Variants in TGM2 observed in about 807,000 individuals in gnomAD.
The protein encoded by TGM2 is transglutaminase 2, also known as protein-glutamine gamma-glutamyltransferase 2.
A neutral mutation model predicts 75.6 loss-of-function variants in TGM2; 53 were observed. The ratio of observed to expected loss-of-function variants is 0.70; its 90% confidence interval spans 0.56 to 0.88. The LOEUF is 0.88. TGM2 is among the 40% of genes least tolerant of loss of function. The pLI, the probability that TGM2 is intolerant of heterozygous loss-of-function variation, is 0.00. For synonymous variants in TGM2, 374 were observed against 381.1 expected, an observed-to-expected ratio of 0.98 and a Z score of 0.22; for missense variants, 842 against 928.5, an observed-to-expected ratio of 0.91 and a Z score of 1.21.
At chr20:38,162,345 T>C (rs1245785775) in intron 1 of TGM2, among the ~76,000 whole-genome samples, 1 of 152,190 alleles carries the variant, frequency 6.6e-6, no homozygotes, top group African/African-American at 2.4e-5. Context: ...GGGCAGTATT[T>C]GGTACAGGTC....
intron 11 of TGM2, 120 bp from the exon 12 acceptor site, chr20:38,131,349 A>ACCCCC (rs111895659): frequency 6.1e-6 from 8 of 1,312,806 alleles, no homozygotes; most frequent in African/African-American, 4.8e-5. Flanking sequence ...TGCCACGATC[A>ACCCCC]CCCCCCCTCC....
At chr20:38,149,545 G>C (rs1243659250) in intron 4 of TGM2, among the ~76,000 whole-genome samples, 1 of 152,000 alleles carries the variant, frequency 6.6e-6, no homozygotes, top group Non-Finnish European at 1.5e-5. Flanking sequence ...CGGGTGTGGT[G>C]GTGGGCGTCT....
intron 10 of TGM2, among the ~76,000 whole-genome samples, chr20:38,134,919 T>C (rs2074879841): frequency 6.6e-6 from 1 of 152,184 alleles, no homozygotes; most frequent in African/African-American, 2.4e-5. Flanking sequence ...AGCTTGGCAT[T>C]GGAGGTTCCA....
chr20:38,157,705 T>C (rs1177732570), intron 2 of TGM2, among the ~76,000 whole-genome samples: 1 of 152,178 alleles, frequency 6.6e-6, no homozygotes, highest in Non-Finnish European at 1.5e-5. Context: ...ACCTGGTGTA[T>C]AGTAAGTGCT....
Position 38,152,725 on chromosome 20 carries a change from C to T in TGM2, c.434-1668G>A, listed in dbSNP as rs968244364. ...CCCACCCATCAGACTGATTTCCTCC[C>T]GCAGCGCCCCTGCGCTCACCCCAGC... is the stretch of plus-strand genomic sequence containing the variant. On this transcript the variant is annotated intron_variant, in intron 3 of 12. Coordinates refer to ENST00000361475, the MANE Select transcript of TGM2 (RefSeq NM_004613.4). Among the ~76,000 whole-genome samples, 6 of 152,346 alleles carry T rather than the reference C, an allele frequency of 3.9e-5. 1 individual carries two copies.
chr20:38,155,759 CCT>C (rs1314895644), intron 3 of TGM2, 86 bp downstream of exon 3: 2 of 1,504,298 alleles, frequency 1.3e-6, no homozygotes, highest in East Asian at 2.4e-5. Flanking sequence ...TCTCTTATCC[CCT>C]GTTCTTCTCA....
intron 6 of TGM2, chr20:38,146,427 A>T (rs2075044684): frequency 5.8e-6 from 3 of 512,832 alleles, no homozygotes; most frequent in Non-Finnish European, 1.1e-5. Context: ...GGGGGTTTTT[A>T]ACTCAAGTTA....
chr20:38,138,252 A>G lies in TGM2; in HGVS notation c.1476T>C (p.Phe492=), dbSNP rs1249983590. 6.2e-7 allele frequency: 1 copy of G among 1,613,790 alleles called. No homozygotes were observed. The highest frequency in any genetic ancestry group is 1.3e-5 in the African/African-American group (1 of 74,928). ...CAGCGGTGTTGTTGGTGATGTGGGC[A>G]AAGACGTCAAAGTCACTGCCCATGT... ...SMNMGSDFDV[F]AHITNNTAEE... Residue 492 remains phenylalanine, a synonymous_variant, in exon 10 of 13, where the codon TTT becomes TTC. Transcript: ENST00000361475.
intron 12 of TGM2, 43 bp from the exon 13 acceptor site, chr20:38,130,412 T>C (rs1214366293): frequency 6.4e-7 from 1 of 1,554,768 alleles, no homozygotes; most frequent in Non-Finnish European, 8.7e-7. Flanking sequence ...GCCCAAGGCC[T>C]GGCTCCCGCA....
intron 3 of TGM2, among the ~76,000 whole-genome samples, chr20:38,153,637 C>T (rs1228989449): frequency 2.0e-5 from 3 of 151,574 alleles, no homozygotes; most frequent in Non-Finnish European, 4.4e-5. Context: ...TTAATGTATA[C>T]AGTGGGATCC....
In TGM2 at chr20:38,127,481, C is replaced by A; in HGVS notation, c.*2738G>T. On this transcript the variant is annotated 3_prime_UTR_variant, in exon 13 of 13. Transcript: ENST00000361475. ...GTGGGGACTGTCCCCATCATCTATTCATTCAACAGATACTCATGAGTGCTT... is the reference window on the plus strand; with the variant it reads ...GTGGGGACTGTCCCCATCATCTATTAATTCAACAGATACTCATGAGTGCTT... The A allele has an allele frequency of 4.1e-6, 2 of 489,778 alleles. No homozygotes were observed. The highest frequency in any genetic ancestry group is 8.6e-5 in the South Asian group (1 of 11,568). 30.3% of individuals were successfully genotyped at this position (489,778 alleles called of 1,614,324 possible). A position where few individuals can be genotyped will look rare whatever the true frequency, so the allele number is the denominator to read the frequency against.
chr20:38,134,030 C>T (rs553584509), intron 10 of TGM2, among the ~76,000 whole-genome samples: 3 of 152,302 alleles, frequency 2.0e-5, no homozygotes, highest in East Asian at 1.9e-4. Context: ...GAGTCTACTG[C>T]TAAAGAGGGA....
rs572607562 is a variant in TGM2 at position 38,127,831 on chromosome 20, A to C, written c.*2388T>G. 6.6e-6 allele frequency: 1 copy of C among 152,350 alleles called. No homozygotes were observed. The highest frequency in any genetic ancestry group is 2.4e-5 in the African/African-American group (1 of 41,580). The allele number at this position is 152,350 out of a possible 1,614,324, so 9.4% of individuals were successfully genotyped here. ...TTCAATGTGGTCACTAGAAAATTCT[A>C]AATTACATATGTGGCTTGCATTTGT... On this transcript the variant is annotated 3_prime_UTR_variant, in exon 13 of 13. Coordinates refer to ENST00000361475, the MANE Select transcript of TGM2 (RefSeq NM_004613.4).
intron 3 of TGM2, among the ~76,000 whole-genome samples, chr20:38,152,663 C>T (rs1343490624): frequency 6.6e-6 from 1 of 152,218 alleles, no homozygotes; most frequent in Non-Finnish European, 1.5e-5. Context: ...AACTGACATA[C>T]AGGAGGGTCC....
chr20:38,131,752 G>T (rs548216599), intron 11 of TGM2, among the ~76,000 whole-genome samples: 1 of 152,058 alleles, frequency 6.6e-6, no homozygotes, highest in African/African-American at 2.4e-5. Flanking sequence ...TGTGGGCTGC[G>T]GCTCCTCTAA....
At chr20:38,133,106 A>G in intron 10 of TGM2, 2 of 349,254 alleles carry the variant, frequency 5.7e-6, no homozygotes, top group Non-Finnish European at 5.7e-6. Flanking sequence ...GCTGATATGT[A>G]CTGTGCAGGC....
intron 6 of TGM2, among the ~76,000 whole-genome samples, chr20:38,144,518 A>G (rs1177744644): frequency 6.6e-6 from 1 of 152,206 alleles, no homozygotes; most frequent in Non-Finnish European, 1.5e-5. Context: ...GAAAGCTGGA[A>G]TGCCAGGCTC....
chr20:38,159,038 G>T (rs749968521), intron 2 of TGM2, among the ~76,000 whole-genome samples: 10 of 152,176 alleles, frequency 6.6e-5, no homozygotes, highest in Non-Finnish European at 1.3e-4. Flanking sequence ...GGGCAGGTTG[G>T]TTATGGTTTG....
chr20:38,162,080 C>T (rs1460477704), intron 1 of TGM2, among the ~76,000 whole-genome samples: 1 of 152,178 alleles, frequency 6.6e-6, no homozygotes, highest in Non-Finnish European at 1.5e-5. Flanking sequence ...CTTGACCTAC[C>T]AAAGTGCAGG....
Sources: gnomAD v4.1 joint callset for allele counts (sites outside exome capture counted in the v4.1 genomes callset) on GRCh38, gnomAD v4.1.1 for gene constraint, MANE v1.5 for transcripts, NCBI Gene and HGNC (gene_info 2026-07-23, HGNC 2026-07-21) for gene names.